Variants in WDR70 observed in about 807,000 individuals in gnomAD.
WDR70 encodes the protein WD repeat domain 70.
Under a neutral mutation model 88.6 loss-of-function variants are expected in WDR70, and 53 were observed. The observed-to-expected ratio is 0.60, with a 90% CI of 0.48 to 0.75. The LOEUF (loss-of-function observed/expected upper bound fraction) is 0.75, where lower values mean the gene tolerates loss of function less well. Among genes scored for constraint, WDR70 ranks in the 30% least tolerant of loss-of-function variants. WDR70 has a pLI of 0.00. For synonymous variants in WDR70, 280 were observed against 270.0 expected (o/e 1.04, Z -0.36); for missense variants, 610 against 823.2 (o/e 0.74, Z 3.17).
intron 9 of WDR70, among the ~76,000 whole-genome samples, chr5:37,523,201 C>G (rs1171788193): frequency 6.6e-6 from 1 of 152,240 alleles, no homozygotes; most frequent in Non-Finnish European, 1.5e-5. Flanking sequence ...TCCCTGACCC[C>G]TGAGTAGCCT....
At chr5:37,557,957 A>ACTCTTTTGAAAAGTC in intron 9 of WDR70, among the ~76,000 whole-genome samples, 1 of 139,250 alleles carries the variant, frequency 7.2e-6, no homozygotes, top group African/African-American at 2.6e-5. Context: ...TCAAAAGAGT[A>ACTCTTTTGAAAAGTC]TTATGTATAT....
intron 9 of WDR70, among the ~76,000 whole-genome samples, chr5:37,521,206 A>T (rs1018262447): frequency 2.0e-5 from 3 of 152,254 alleles, no homozygotes; most frequent in African/African-American, 7.2e-5. Context: ...TTTCCCAAAT[A>T]GATTTCCAGG....
intron 10 of WDR70, among the ~76,000 whole-genome samples, chr5:37,656,214 G>A (rs1483579661): frequency 6.6e-6 from 1 of 152,198 alleles, no homozygotes; most frequent in African/African-American, 2.4e-5. Context: ...CTGCAGGTCT[G>A]CTGGAGTTTG....
At chr5:37,564,505 G>A (rs184773813) in intron 9 of WDR70, among the ~76,000 whole-genome samples, 2 of 151,546 alleles carry the variant, frequency 1.3e-5, no homozygotes, top group South Asian at 2.1e-4. Flanking sequence ...TCGGCATCAG[G>A]GGGAGACCGT....
intron 11 of WDR70, among the ~76,000 whole-genome samples, chr5:37,698,117 C>A (rs1747036303): frequency 1.3e-5 from 2 of 151,946 alleles, no homozygotes; most frequent in Non-Finnish European, 2.9e-5. Context: ...ACTTCAAAGT[C>A]TTCTATTTGT....
At chr5:37,566,364 A>C (rs998848625) in intron 9 of WDR70, among the ~76,000 whole-genome samples, 21 of 152,106 alleles carry the variant, frequency 1.4e-4, no homozygotes, top group Non-Finnish European at 2.8e-4. Context: ...TTAATTACCC[A>C]GTATTATTTA....
intron 17 of WDR70, among the ~76,000 whole-genome samples, chr5:37,729,482 CT>C (rs1261337624): frequency 2.0e-5 from 3 of 152,152 alleles, no homozygotes; most frequent in Non-Finnish European, 4.4e-5. Context: ...AACTTTTCTC[CT>C]TTCTGTATTT....
At chr5:37,629,184 T>C (rs537656835) in intron 10 of WDR70, among the ~76,000 whole-genome samples, 20 of 152,308 alleles carry the variant, frequency 1.3e-4, no homozygotes, top group Non-Finnish European at 2.5e-4. Context: ...ATGACTTGAC[T>C]CTTTTCTCTT....
rs112639469 is a variant in WDR70 at position 37,720,049 on chromosome 5, G to C, written c.1417-1066G>C. 6.8e-4 allele frequency among the ~76,000 whole-genome samples: 104 copies of C among 152,114 alleles called. 1 individual carries two copies. The highest frequency in any genetic ancestry group is 2.4e-3 in the African/African-American group (98 of 41,488). ...TCAAAAAGGATCTGAGAGATTTCAA[G>C]ATATTCTGTCTTAACAAAAGAGTGG... is the stretch of plus-strand genomic sequence containing the variant. On this transcript the variant is annotated intron_variant, in intron 13 of 17. Coordinates refer to ENST00000265107, the MANE Select transcript of WDR70 (RefSeq NM_018034.4).
intron 10 of WDR70, among the ~76,000 whole-genome samples, chr5:37,607,288 A>G (rs1399034572): frequency 1.3e-5 from 2 of 152,032 alleles, no homozygotes; most frequent in Non-Finnish European, 2.9e-5. Context: ...AAGAAAAATA[A>G]CCATCCACAG....
intron 13 of WDR70, among the ~76,000 whole-genome samples, chr5:37,707,310 A>G (rs184361390): frequency 1.2e-3 from 188 of 152,274 alleles, no homozygotes; most frequent in African/African-American, 4.1e-3. Context: ...ACTTTTGGCA[A>G]TAATTTCAGA....
chr5:37,576,565 T>G (rs1743060854), intron 9 of WDR70, among the ~76,000 whole-genome samples: 1 of 152,182 alleles, frequency 6.6e-6, no homozygotes, highest in Admixed American at 6.5e-5. Flanking sequence ...CTTAGGACAT[T>G]AGAACAACTA....
intron 9 of WDR70, among the ~76,000 whole-genome samples, chr5:37,589,058 C>T (rs138368845): frequency 0.011 from 1,631 of 151,882 alleles, 35 homozygotes; most frequent in African/African-American, 0.037. Context: ...CCACTGCGCC[C>T]GGCCTATTAT....
At chr5:37,524,793 C>T (rs892548711) in intron 9 of WDR70, among the ~76,000 whole-genome samples, 2 of 152,030 alleles carry the variant, frequency 1.3e-5, no homozygotes, top group Non-Finnish European at 2.9e-5. Flanking sequence ...GAAGATCTAC[C>T]AAGTAAATGG....
chr5:37,562,552 A>C (rs1162885630), intron 9 of WDR70, among the ~76,000 whole-genome samples: 1 of 152,092 alleles, frequency 6.6e-6, no homozygotes, highest in Non-Finnish European at 1.5e-5. Context: ...AAGTGAACAA[A>C]GGTCTCTGGT....
intron 16 of WDR70, 21 bp from the exon 17 acceptor site, chr5:37,726,862 G>GTTTTT: frequency 6.4e-7 from 1 of 1,571,858 alleles, no homozygotes; most frequent in African/African-American, 1.4e-5. Flanking sequence ...TTCTAATTTG[G>GTTTTT]TTTTTTTTCT....
intron 11 of WDR70, chr5:37,700,584 T>A (rs2112657350): frequency 6.5e-6 from 1 of 153,412 alleles, no homozygotes; most frequent in Non-Finnish European, 1.5e-5. Flanking sequence ...TGTTAATGGA[T>A]AGCTTTACCC....
intron 17 of WDR70, among the ~76,000 whole-genome samples, chr5:37,744,643 A>G (rs1272791404): frequency 6.6e-6 from 1 of 151,876 alleles, no homozygotes; most frequent in Non-Finnish European, 1.5e-5. Context: ...AGCATACACA[A>G]GTATCAACAG....
chr5:37,547,712 C>T (rs1742036818), intron 9 of WDR70, among the ~76,000 whole-genome samples: 1 of 152,064 alleles, frequency 6.6e-6, no homozygotes, highest in African/African-American at 2.4e-5. Context: ...CCCTGTTGTG[C>T]TATCAAAAAT....
Sources: allele counts gnomAD v4.1 joint callset (sites outside exome capture counted in the v4.1 genomes callset), GRCh38; gene constraint gnomAD v4.1.1; transcripts MANE v1.5; gene names NCBI Gene and HGNC (gene_info 2026-07-23, HGNC 2026-07-21).